Variants in CYFIP1 observed in about 807,000 individuals in gnomAD.
CYFIP1 encodes the protein cytoplasmic FMR1-interacting protein 1.
Under a neutral mutation model 163.5 loss-of-function variants are expected in CYFIP1, and 58 were observed. That is an observed-to-expected ratio of 0.35 (90% CI 0.29 to 0.44). CYFIP1 has a LOEUF of 0.44. Among genes scored for constraint, CYFIP1 ranks in the 20% least tolerant of loss-of-function variants. The pLI is 1.00. For synonymous variants in CYFIP1, 663 were observed against 660.7 expected (o/e 1.00, Z -0.05); for missense variants, 1,338 against 1,653.8 (o/e 0.81, Z 3.31).
At chr15:22,902,732 G>A (rs936762914) in intron 22 of CYFIP1, among the ~76,000 whole-genome samples, 3 of 152,180 alleles carry the variant, frequency 2.0e-5, no homozygotes, top group Non-Finnish European at 2.9e-5. Context: ...CCCAGAGCGC[G>A]TGGCCATGAC....
intron 20 of CYFIP1, among the ~76,000 whole-genome samples, chr15:22,909,759 G>A (rs1002921127): frequency 5.9e-5 from 9 of 152,022 alleles, no homozygotes; most frequent in African/African-American, 2.2e-4. Context: ...TGGGTACGCA[G>A]TAAGTGTACA....
chr15:22,958,734 C>CA (rs2062571760), intron 1 of CYFIP1, among the ~76,000 whole-genome samples: 2 of 152,320 alleles, frequency 1.3e-5, no homozygotes, highest in South Asian at 4.1e-4. Flanking sequence ...CTCTTCCTGT[C>CA]ACTCTCCTGC....
intron 13 of CYFIP1, among the ~76,000 whole-genome samples, chr15:22,925,780 A>AG (rs1191013272): frequency 1.3e-5 from 2 of 152,134 alleles, no homozygotes; most frequent in Admixed American, 1.3e-4. Flanking sequence ...ATTCGCACCC[A>AG]GGGAGCTTCA....
intron 1 of CYFIP1, among the ~76,000 whole-genome samples, chr15:22,967,258 G>A (rs1370200802): frequency 6.6e-6 from 1 of 152,120 alleles, no homozygotes; most frequent in Non-Finnish European, 1.5e-5. Context: ...TATAAATCTT[G>A]GAGAGTCTTC....
intron 1 of CYFIP1, among the ~76,000 whole-genome samples, chr15:22,953,328 C>T (rs1355430802): frequency 2.0e-5 from 3 of 151,484 alleles, no homozygotes; most frequent in African/African-American, 7.3e-5. Flanking sequence ...GTTCCACCTC[C>T]CAAAGCTCTT....
chr15:22,915,921 G>C (rs756787934), intron 16 of CYFIP1, among the ~76,000 whole-genome samples: 8 of 152,158 alleles, frequency 5.3e-5, no homozygotes, highest in Non-Finnish European at 8.8e-5. Flanking sequence ...AACAGCAAAA[G>C]TGGTACTATT....
chr15:22,889,210 C>A (rs2060005260), intron 23 of CYFIP1, among the ~76,000 whole-genome samples: 2 of 152,220 alleles, frequency 1.3e-5, no homozygotes, highest in South Asian at 2.1e-4. Context: ...AAATTCACAT[C>A]ATCAAATCTT....
chr15:22,879,625 C>A (rs1435148560), intron 26 of CYFIP1, among the ~76,000 whole-genome samples: 2 of 150,442 alleles, frequency 1.3e-5, no homozygotes, highest in African/African-American at 2.4e-5. Context: ...ACCTTACAGG[C>A]ACACCAAATA....
At chr15:22,883,255 C>T (rs963401593) in intron 23 of CYFIP1, among the ~76,000 whole-genome samples, 11 of 152,114 alleles carry the variant, frequency 7.2e-5, no homozygotes, top group East Asian at 1.9e-4. Flanking sequence ...GTTGAATAGC[C>T]GACTCGCTAG....
At position 22,917,985 on chromosome 15, in the gene CYFIP1, G is replaced by A. The variant is rs2061050082; in HGVS notation, c.1527-50C>T. On this transcript the variant is annotated intron_variant, in intron 14 of 30. Transcript: ENST00000617928. The surrounding 1 kb of genome is among the most constrained non-coding windows in gnomAD (Gnocchi z 4.2). ...CAAGGCCCAGAGGCCGAGACCTCCA[G>A]CCTCACAATCACACCATCTCCTCAC... 7.6e-6 allele frequency: 12 copies of A among 1,584,610 alleles called. No individual in the cohort carries two copies. The highest frequency in any genetic ancestry group is 1.0e-5 in the Non-Finnish European group (12 of 1,165,052).
chr15:22,930,459 A>T (rs983866304), intron 11 of CYFIP1, among the ~76,000 whole-genome samples: 1 of 151,874 alleles, frequency 6.6e-6, no homozygotes, highest in Non-Finnish European at 1.5e-5. Context: ...AATGCCAGAG[A>T]AACAATTACA....
At chr15:22,952,430 C>T (rs980759542) in intron 1 of CYFIP1, among the ~76,000 whole-genome samples, 4 of 151,666 alleles carry the variant, frequency 2.6e-5, no homozygotes, top group South Asian at 4.2e-4. Context: ...CCGAGGCGGG[C>T]GAATCACGAG....
chr15:22,877,293 A>G (rs1595494146), intron 26 of CYFIP1, among the ~76,000 whole-genome samples: 2 of 152,240 alleles, frequency 1.3e-5, no homozygotes, highest in Middle Eastern at 6.8e-3. Context: ...GTTCCCCCAG[A>G]GCTGAAGCAG....
At chr15:22,880,417 G>C in intron 25 of CYFIP1, among the ~76,000 whole-genome samples, 1 of 152,192 alleles carries the variant, frequency 6.6e-6, no homozygotes, top group East Asian at 1.9e-4. Context: ...CATGGAAGGG[G>C]CCGCACCTAA....
At position 22,872,161 on chromosome 15, in the gene CYFIP1, G is replaced by A. The variant is rs910279075; in HGVS notation, c.3597+664C>T. 5.1e-4 allele frequency among the ~76,000 whole-genome samples: 78 copies of A among 152,042 alleles called. 1 individual carries two copies. Among genetic ancestry groups the A allele is most frequent in the African/African-American group, 1.8e-3 (75 of 41,478 alleles). ...AATACAAAAATCAGCCGGGCGTGGT[G>A]GCAGGTGCCTATAATCCCAGCTACT... On this transcript the variant is annotated intron_variant, in intron 30 of 30. Coordinates refer to ENST00000617928, the MANE Select transcript of CYFIP1 (RefSeq NM_014608.6).
intron 1 of CYFIP1, among the ~76,000 whole-genome samples, chr15:22,970,583 T>C (rs2063059105): frequency 1.3e-5 from 2 of 152,178 alleles, no homozygotes; most frequent in South Asian, 4.1e-4. Flanking sequence ...GGCACTGGCA[T>C]AAAGAAAGGC....
intron 16 of CYFIP1, among the ~76,000 whole-genome samples, chr15:22,915,273 G>A (rs2060934421): frequency 6.6e-6 from 1 of 152,002 alleles, no homozygotes; most frequent in Admixed American, 6.5e-5. Flanking sequence ...TGAGAACACA[G>A]GCACGTGCCA....
chr15:22,868,679 C>CTT lies in CYFIP1; in HGVS notation c.*1347_*1348dup, dbSNP rs1033315779. The CTT allele has an allele frequency of 7.9e-5, 12 of 152,116 alleles. No individual in the cohort carries two copies. The highest frequency in any genetic ancestry group is 2.0e-4 in the Admixed American group (3 of 15,272). 9.4% of individuals were successfully genotyped at this position (152,116 alleles called of 1,614,324 possible). On this transcript the variant is annotated 3_prime_UTR_variant, in exon 31 of 31. Coordinates refer to ENST00000617928, the MANE Select transcript of CYFIP1 (RefSeq NM_014608.6). ...GCAGTGTAACAGGATGGTTCGTACA[C>CTT]TTACTACTTTTCTGTGCCGTGCATC...
At chr15:22,939,623 A>G (rs2061835367) in intron 6 of CYFIP1, 116 bp from the exon 7 acceptor site, 2 of 849,262 alleles carry the variant, frequency 2.4e-6, no homozygotes, top group East Asian at 5.4e-5. Flanking sequence ...AGTCATCTGC[A>G]GAAATGTGGG....
Sources: gnomAD v4.1 joint callset for allele counts (sites outside exome capture counted in the v4.1 genomes callset) on GRCh38, gnomAD v4.1.1 for gene constraint, Gnocchi (gnomAD v3.1) non-coding constraint, MANE v1.5 for transcripts, NCBI Gene and HGNC (gene_info 2026-07-23, HGNC 2026-07-21) for gene names.